Variants in TNS1 observed in about 807,000 individuals in gnomAD.
TNS1 encodes tensin-1.
A neutral mutation model predicts 168.6 loss-of-function variants in TNS1; 62 were observed. The observed-to-expected ratio is 0.37, with a 90% CI of 0.30 to 0.45. TNS1 has a LOEUF of 0.45. Among genes scored for constraint, TNS1 ranks in the 20% least tolerant of loss-of-function variants. TNS1 has a pLI of 1.00. For missense variants in TNS1, 2,240 were observed against 2,339.4 expected, an observed-to-expected ratio of 0.96 and a Z score of 0.88; for synonymous variants, 934 against 933.2, an observed-to-expected ratio of 1.00 and a Z score of -0.02.
At chr2:217,872,309 T>A (rs1949839787) in intron 18 of TNS1, among the ~76,000 whole-genome samples, 1 of 152,214 alleles carries the variant, frequency 6.6e-6, no homozygotes, top group Non-Finnish European at 1.5e-5. Flanking sequence ...ATTATATATC[T>A]GCTAAGGGAC....
chr2:217,846,724 C>T (rs540896540), intron 19 of TNS1, among the ~76,000 whole-genome samples: 52 of 152,368 alleles, frequency 3.4e-4, no homozygotes, highest in Non-Finnish European at 7.1e-4. Flanking sequence ...CCCAGACATG[C>T]TGTCATTTCT....
intron 18 of TNS1, among the ~76,000 whole-genome samples, chr2:217,861,056 A>G (rs1948732672): frequency 6.6e-6 from 1 of 152,218 alleles, no homozygotes; most frequent in Admixed American, 6.5e-5. Context: ...GCAAATAATA[A>G]GAGAGTCAGG....
chr2:217,937,391 G>T (rs1956673699), intron 3 of TNS1, among the ~76,000 whole-genome samples: 1 of 152,110 alleles, frequency 6.6e-6, no homozygotes, highest in African/African-American at 2.4e-5. Flanking sequence ...GCCAACCCCT[G>T]GGGCTGGCCC....
At chr2:217,913,845 C>A (rs1344627402) in intron 4 of TNS1, among the ~76,000 whole-genome samples, 3 of 152,160 alleles carry the variant, frequency 2.0e-5, no homozygotes, top group African/African-American at 7.2e-5. Flanking sequence ...CTCATCCCTG[C>A]CCCCATTCCT....
At chr2:217,836,899 A>G (rs925622144) in intron 19 of TNS1, among the ~76,000 whole-genome samples, 1 of 152,062 alleles carries the variant, frequency 6.6e-6, no homozygotes. Flanking sequence ...GCAGACAGAG[A>G]GAAGTCGTGT....
At chr2:217,991,479 G>A (rs1050874132) in intron 1 of TNS1, among the ~76,000 whole-genome samples, 12 of 151,764 alleles carry the variant, frequency 7.9e-5, no homozygotes, top group South Asian at 2.1e-4. Context: ...GTGTCCCCTC[G>A]CCCCAAGGTT....
At chr2:217,928,668 C>G (rs1205675432) in intron 3 of TNS1, among the ~76,000 whole-genome samples, 1 of 152,176 alleles carries the variant, frequency 6.6e-6, no homozygotes, top group East Asian at 1.9e-4. Context: ...AGGGCTGACT[C>G]ACCAAGGCCC....
chr2:217,989,682 G>A (rs1359055774), intron 2 of TNS1, among the ~76,000 whole-genome samples: 1 of 152,076 alleles, frequency 6.6e-6, no homozygotes, highest in African/African-American at 2.4e-5. Context: ...CAGACAACAG[G>A]TCCTCCGCTG....
chr2:217,912,854 G>A (rs771693063), intron 4 of TNS1, among the ~76,000 whole-genome samples: 1 of 152,186 alleles, frequency 6.6e-6, no homozygotes, highest in Admixed American at 6.5e-5. Flanking sequence ...GGGAGAGAGC[G>A]CTTTCTCCGT....
intron 4 of TNS1, among the ~76,000 whole-genome samples, chr2:217,914,871 C>A (rs567699235): frequency 6.6e-4 from 100 of 152,336 alleles, no homozygotes; most frequent in African/African-American, 2.2e-3. Context: ...CTCTACCTAC[C>A]AAGTTCTACT....
intron 19 of TNS1, chr2:217,841,992 G>C: frequency 1.5e-6 from 1 of 688,980 alleles, no homozygotes; most frequent in South Asian, 1.5e-5. Context: ...CACACCACAG[G>C]GGCCACAGGA....
chr2:217,872,251 A>G (rs1949834783), intron 18 of TNS1, among the ~76,000 whole-genome samples: 1 of 152,242 alleles, frequency 6.6e-6, no homozygotes, highest in Non-Finnish European at 1.5e-5. Flanking sequence ...GATGACTGAC[A>G]TCAAGAAGTG....
At chr2:218,024,433 C>T (rs1296259103) in intron 1 of TNS1, among the ~76,000 whole-genome samples, 1 of 152,054 alleles carries the variant, frequency 6.6e-6, no homozygotes, top group Non-Finnish European at 1.5e-5. Flanking sequence ...GTTGAAGAGG[C>T]TGTCTGGGTG....
chr2:217,873,598 G>A (rs2125605520), intron 18 of TNS1, among the ~76,000 whole-genome samples: 1 of 152,230 alleles, frequency 6.6e-6, no homozygotes, highest in Non-Finnish European at 1.5e-5. Context: ...TGCTGTCCAT[G>A]AGGGCCACCT....
intron 1 of TNS1, among the ~76,000 whole-genome samples, chr2:218,017,421 A>T (rs1185921481): frequency 6.6e-6 from 1 of 152,208 alleles, no homozygotes; most frequent in East Asian, 1.9e-4. Context: ...GTGGATGGAT[A>T]AGCCTGGGGC....
chr2:217,931,968 G>T (rs150069946), intron 3 of TNS1, among the ~76,000 whole-genome samples: 46 of 152,222 alleles, frequency 3.0e-4, no homozygotes, highest in African/African-American at 8.7e-4. Flanking sequence ...ATTTAAGGCT[G>T]GCCAAAATGA....
chr2:217,810,870 T>A (rs1940745805), intron 28 of TNS1, among the ~76,000 whole-genome samples: 1 of 148,666 alleles, frequency 6.7e-6, no homozygotes, highest in African/African-American at 2.5e-5. Flanking sequence ...ACATTGTACA[T>A]GGTACATAAT....
intron 3 of TNS1, among the ~76,000 whole-genome samples, chr2:217,966,302 T>TGC (rs1258991397): frequency 9.2e-5 from 13 of 140,834 alleles, no homozygotes; most frequent in South Asian, 4.9e-4. Context: ...TGTGTGTGTG[T>TGC]GTGTGTGCGC....
chr2:217,812,640 C>T (rs776597152), intron 27 of TNS1, among the ~76,000 whole-genome samples, 195 bp from the exon 28 acceptor site: 13 of 152,320 alleles, frequency 8.5e-5, no homozygotes, highest in East Asian at 3.9e-4. Context: ...GGTTCACTCT[C>T]GCAGTCATAA....
Sources: allele counts gnomAD v4.1 joint callset (sites outside exome capture counted in the v4.1 genomes callset), GRCh38; gene constraint gnomAD v4.1.1; transcripts MANE v1.5; gene names NCBI Gene and HGNC (gene_info 2026-07-23, HGNC 2026-07-21).